The following TPO variants were observed in gnomAD, a reference collection of about 807,000 sequenced individuals.
TPO encodes the protein thyroid microsomal antigen.
In TPO, 78 loss-of-function variants were observed where a neutral mutation model predicts 96.9. The ratio of observed to expected loss-of-function variants is 0.81; its 90% CI spans 0.67 to 0.97. The LOEUF is 0.97. Among genes scored for constraint, TPO ranks in the 50% least tolerant of loss-of-function variants. The pLI, the probability that TPO is intolerant of heterozygous loss-of-function variation, is 0.00. For missense variants in TPO, 1,252 were observed against 1,274.8 expected (o/e 0.98, Z 0.27); for synonymous variants, 547 against 538.0 (o/e 1.02, Z -0.23).
rs186593059 is a variant in TPO at position 1,508,279 on chromosome 2, C to T, written c.2518+4200C>T. Among the ~76,000 whole-genome samples the T allele has an allele frequency of 1.8e-3, 277 of 151,832 alleles. 4 individuals are homozygous for T. The highest frequency in any genetic ancestry group is 6.5e-3 in the African/African-American group (268 of 41,468). Reference sequence around the variant, plus strand: ...AAGCTTTTTCATTTGCTGCTGGATTCGGTTTGCCAGTATTTTATTGAGGAT... The same window carrying T: ...AAGCTTTTTCATTTGCTGCTGGATTTGGTTTGCCAGTATTTTATTGAGGAT... On this transcript the variant is annotated intron_variant, in intron 14 of 16. Transcript: ENST00000329066.
intron 8 of TPO, among the ~76,000 whole-genome samples, chr2:1,480,066 G>A (rs1468333584): frequency 6.6e-6 from 1 of 152,102 alleles, no homozygotes; most frequent in Non-Finnish European, 1.5e-5. Flanking sequence ...ACAGGCCTGA[G>A]CCACTGCGCC....
At chr2:1,460,096 T>G (rs1485513201) in intron 7 of TPO, among the ~76,000 whole-genome samples, 2 of 152,042 alleles carry the variant, frequency 1.3e-5, no homozygotes, top group East Asian at 3.9e-4. Context: ...CCACCATGCC[T>G]GGCTAATTTT....
At chr2:1,405,719 C>T (rs1238690934) in intron 1 of TPO, among the ~76,000 whole-genome samples, 1 of 152,156 alleles carries the variant, frequency 6.6e-6, no homozygotes, top group Admixed American at 6.5e-5. Flanking sequence ...TCTTTATCTT[C>T]CTAACTCAAC....
At chr2:1,478,001 T>C in intron 8 of TPO, 1 of 985,344 alleles carries the variant, frequency 1.0e-6, no homozygotes, top group African/African-American at 1.7e-5. Flanking sequence ...CTTTACAGAT[T>C]TCAACTCATT....
At chr2:1,470,126 T>A (rs11897718) in intron 7 of TPO, among the ~76,000 whole-genome samples, 21,690 of 152,260 alleles carry the variant, frequency 0.14, 1,970 homozygotes, top group East Asian at 0.28. Flanking sequence ...TAATTCCTAT[T>A]ATTTTCCAAT....
intron 7 of TPO, among the ~76,000 whole-genome samples, chr2:1,473,609 AT>A (rs1269930513): frequency 6.6e-6 from 1 of 152,208 alleles, no homozygotes; most frequent in Non-Finnish European, 1.5e-5. Flanking sequence ...ATTATTGTAA[AT>A]GAAATTGCAT....
chr2:1,401,751 C>A (rs17091589), intron 1 of TPO, among the ~76,000 whole-genome samples: 6,671 of 152,226 alleles, frequency 0.044, 399 homozygotes, highest in East Asian at 0.3. Flanking sequence ...GTGCCTTGAA[C>A]CAATATCTCA....
At chr2:1,523,520 C>T (rs1246710771) in intron 15 of TPO, among the ~76,000 whole-genome samples, 1 of 123,586 alleles carries the variant, frequency 8.1e-6, no homozygotes, top group Non-Finnish European at 1.7e-5. Flanking sequence ...ATGCAACCTC[C>T]CCAAATCCCC....
Position 1,496,008 on chromosome 2 carries a change from C to G in TPO, c.2026C>G (p.His676Asp), listed in dbSNP as rs1178604915. The stretch of plus-strand genomic sequence containing the variant: ...CTGGAGGTTTTGGTGGGAGAACAGC[C>G]ACGTCTTCACGGATGCACAGAGGCG... ...DGDWFWWENSHVFTDAQRREL... is the reference protein window; with the variant it reads ...DGDWFWWENSDVFTDAQRREL... Residue 676 changes from histidine to aspartate, a missense_variant, in exon 12 of 17, where the codon CAC (histidine) becomes GAC (aspartate). His to Asp is a moderately conservative substitution (Grantham distance 81). Coordinates refer to ENST00000329066, the MANE Select transcript of TPO (RefSeq NM_001206744.2). The G allele has an allele frequency of 6.2e-7, 1 of 1,612,908 alleles. No individual in the cohort carries two copies.
At chr2:1,484,012 T>C (rs1670882792) in intron 8 of TPO, among the ~76,000 whole-genome samples, 1 of 152,194 alleles carries the variant, frequency 6.6e-6, no homozygotes, top group African/African-American at 2.4e-5. Context: ...ACCAAAATAT[T>C]CCCCTTAAAT....
intron 1 of TPO, among the ~76,000 whole-genome samples, chr2:1,386,798 T>G (rs571841080): frequency 6.6e-6 from 1 of 152,354 alleles, no homozygotes; most frequent in East Asian, 1.9e-4. Context: ...TGCAGTTTCT[T>G]CCTAGCATCG....
At chr2:1,517,497 G>C (rs1483787889) in intron 15 of TPO, among the ~76,000 whole-genome samples, 2 of 152,062 alleles carry the variant, frequency 1.3e-5, no homozygotes, top group African/African-American at 2.4e-5. Context: ...GCCCCTCGAG[G>C]CTTCCTCAGG....
At chr2:1,401,460 T>C (rs952617230) in intron 1 of TPO, among the ~76,000 whole-genome samples, 1 of 152,110 alleles carries the variant, frequency 6.6e-6, no homozygotes, top group Non-Finnish European at 1.5e-5. Flanking sequence ...GGGCTTTGGT[T>C]TGCTCACTCA....
chr2:1,529,916 AAACCCCCCCCTTGC>A (rs1677662346), intron 15 of TPO, among the ~76,000 whole-genome samples: 1 of 77,054 alleles, frequency 1.3e-5, no homozygotes, highest in Non-Finnish European at 2.3e-5. Context: ...CAAACTCCCC[AAACCCCCCCCTTGC>A]AGCCTCCCCA....
intron 7 of TPO, among the ~76,000 whole-genome samples, chr2:1,462,942 G>A (rs1668581729): frequency 6.6e-6 from 1 of 152,130 alleles, no homozygotes; most frequent in Non-Finnish European, 1.5e-5. Context: ...GTAAAATGTT[G>A]CCCAGCTTAG....
chr2:1,520,825 G>A (rs1486717331), intron 15 of TPO, among the ~76,000 whole-genome samples: 1 of 152,134 alleles, frequency 6.6e-6, no homozygotes, highest in Non-Finnish European at 1.5e-5. Context: ...TTTCGCCATG[G>A]AGGTGTTTTC....
At chr2:1,453,998 C>G (rs1667558823) in intron 6 of TPO, among the ~76,000 whole-genome samples, 175 bp downstream of exon 6, 1 of 152,196 alleles carries the variant, frequency 6.6e-6, no homozygotes, top group Non-Finnish European at 1.5e-5. Flanking sequence ...GGCTTAGGAG[C>G]CAAGGCTCAG....
At chr2:1,421,135 A>C (rs906887347) in intron 2 of TPO, among the ~76,000 whole-genome samples, 8 of 152,288 alleles carry the variant, frequency 5.3e-5, no homozygotes, top group African/African-American at 1.9e-4. Context: ...AGAGAGCCAC[A>C]GTGACCGAGG....
chr2:1,513,457 C>G (rs1253612142), intron 14 of TPO: 1 of 152,240 alleles, frequency 6.6e-6, no homozygotes, highest in Non-Finnish European at 1.5e-5. Flanking sequence ...GACTCACAGA[C>G]AAGGATGCCA....
Sources: allele counts gnomAD v4.1 joint callset (sites outside exome capture counted in the v4.1 genomes callset), GRCh38; gene constraint gnomAD v4.1.1; transcripts MANE v1.5; gene names NCBI Gene and HGNC (gene_info 2026-07-23, HGNC 2026-07-21).